Variants in FRMD4A observed in about 807,000 individuals in gnomAD.
The protein encoded by FRMD4A is FERM domain-containing protein 4A.
FRMD4A carries 29 observed loss-of-function variants against 129.1 expected under a neutral mutation model. The observed-to-expected ratio is 0.22, with a 90% confidence interval of 0.17 to 0.31. The LOEUF (loss-of-function observed/expected upper bound fraction) is 0.31. Among genes scored for constraint, FRMD4A ranks in the 10% least tolerant of loss-of-function variants. FRMD4A has a pLI of 1.00. For synonymous variants in FRMD4A, 634 were observed against 571.6 expected (o/e 1.11, Z -1.56); for missense variants, 1,272 against 1,375.8 (o/e 0.92, Z 1.19).
At chr10:13,910,978 A>T (rs2094935474) in intron 2 of FRMD4A, among the ~76,000 whole-genome samples, 1 of 151,466 alleles carries the variant, frequency 6.6e-6, no homozygotes, top group Non-Finnish European at 1.5e-5. Context: ...AGAAAATGAA[A>T]ACTGCCTCTG....
At chr10:13,786,914 A>G (rs2092879685) in intron 5 of FRMD4A, among the ~76,000 whole-genome samples, 2 of 152,214 alleles carry the variant, frequency 1.3e-5, no homozygotes, top group African/African-American at 4.8e-5. Context: ...CTTAAAAAGT[A>G]AAGAGTAAAG....
At chr10:13,959,198 T>G (rs1483160200) in intron 2 of FRMD4A, among the ~76,000 whole-genome samples, 1 of 151,978 alleles carries the variant, frequency 6.6e-6, no homozygotes, top group Admixed American at 6.6e-5. Flanking sequence ...GTGGGCTAGG[T>G]GCGGAGGGTC....
chr10:14,088,673 C>G (rs1226772773), intron 2 of FRMD4A, among the ~76,000 whole-genome samples: 1 of 148,192 alleles, frequency 6.7e-6, no homozygotes, highest in East Asian at 2.0e-4. Context: ...GAGGCTGAGG[C>G]AGGAGAATGC....
At chr10:14,003,435 G>A (rs2095650038) in intron 2 of FRMD4A, 1 of 152,284 alleles carries the variant, frequency 6.6e-6, no homozygotes, top group Admixed American at 6.5e-5. Context: ...TCCAGCTTGG[G>A]GGTCTGTGGG....
At chr10:13,989,573 C>A (rs770135024) in intron 2 of FRMD4A, among the ~76,000 whole-genome samples, 1 of 152,186 alleles carries the variant, frequency 6.6e-6, no homozygotes, top group Non-Finnish European at 1.5e-5. Context: ...GTGATCCACC[C>A]ACCTTGGCCT....
At chr10:13,965,124 G>A (rs1487813734) in intron 2 of FRMD4A, among the ~76,000 whole-genome samples, 1 of 147,102 alleles carries the variant, frequency 6.8e-6, no homozygotes, top group Admixed American at 7.0e-5. Context: ...TATTCAGTTT[G>A]GGAGAGAGGA....
At chr10:13,770,581 C>T (rs2092428113) in intron 6 of FRMD4A, among the ~76,000 whole-genome samples, 1 of 151,978 alleles carries the variant, frequency 6.6e-6, no homozygotes, top group African/African-American at 2.4e-5. Flanking sequence ...GTAGCTGGGA[C>T]CACAGGCACA....
intron 9 of FRMD4A, among the ~76,000 whole-genome samples, chr10:13,742,608 C>T (rs1201604220): frequency 6.6e-6 from 1 of 152,180 alleles, no homozygotes; most frequent in African/African-American, 2.4e-5. Context: ...CCTCCATCTC[C>T]CAAGTTCAAG....
At chr10:13,866,997 T>C (rs997785219) in intron 2 of FRMD4A, among the ~76,000 whole-genome samples, 2 of 152,204 alleles carry the variant, frequency 1.3e-5, no homozygotes, top group African/African-American at 4.8e-5. Flanking sequence ...GTGTAATGGT[T>C]ACTACAGTGG....
At chr10:13,788,117 G>A (rs980340311) in intron 5 of FRMD4A, among the ~76,000 whole-genome samples, 10 of 152,180 alleles carry the variant, frequency 6.6e-5, no homozygotes, top group African/African-American at 2.4e-4. Context: ...ATGCTTGGAT[G>A]TCTGTGACCT....
chr10:13,683,008 G>A (rs556890515), intron 15 of FRMD4A, among the ~76,000 whole-genome samples: 1 of 152,114 alleles, frequency 6.6e-6, no homozygotes, highest in Admixed American at 6.5e-5. Flanking sequence ...GCGTGATAGT[G>A]CAAGCATCAA....
At chr10:13,955,127 A>ATTTTTTTTT (rs1441169024) in intron 2 of FRMD4A, among the ~76,000 whole-genome samples, 1 of 9,890 alleles carries the variant, frequency 1.0e-4, no homozygotes, top group African/African-American at 9.2e-4. Context: ...TTTTTTTTTG[A>ATTTTTTTTT]GACGGAGTAT....
intron 2 of FRMD4A, among the ~76,000 whole-genome samples, chr10:14,164,600 G>A (rs574809168): frequency 3.9e-5 from 6 of 152,160 alleles, no homozygotes; most frequent in East Asian, 1.9e-4. Flanking sequence ...TCATTTCTAC[G>A]TTGGGAACAG....
chr10:13,761,059 A>C (rs2092053509), intron 8 of FRMD4A, among the ~76,000 whole-genome samples: 1 of 152,324 alleles, frequency 6.6e-6, no homozygotes, highest in Non-Finnish European at 1.5e-5. Context: ...GTGATGAATG[A>C]AATAAATGAC....
intron 2 of FRMD4A, among the ~76,000 whole-genome samples, chr10:14,272,999 T>C (rs1369807730): frequency 6.6e-6 from 1 of 152,056 alleles, no homozygotes; most frequent in Non-Finnish European, 1.5e-5. Context: ...ACGGATTGCC[T>C]GAGCTCAGGA....
chr10:13,821,961 G>A lies in FRMD4A; in HGVS notation c.112-11053C>T, dbSNP rs375148025. Reference sequence around the variant, plus strand: ...GCTAATGTTACACTTAGGGGACAGAGCAGGTCTCGAAGATCCGAAGCAGGA... The same window carrying A: ...GCTAATGTTACACTTAGGGGACAGAACAGGTCTCGAAGATCCGAAGCAGGA... On this transcript the variant is annotated intron_variant, in intron 3 of 24. Transcript: ENST00000357447. This position sits in a 1 kb window ranked among gnomAD's most constrained non-coding sequence, Gnocchi z 4.3. 2.6e-5 allele frequency among the ~76,000 whole-genome samples: 4 copies of A among 152,134 alleles called. No individual in the cohort carries two copies. Among genetic ancestry groups the A allele is most frequent in the African/African-American group, 9.7e-5 (4 of 41,432 alleles).
chr10:13,934,093 G>A (rs960203560), intron 2 of FRMD4A, among the ~76,000 whole-genome samples: 1 of 152,156 alleles, frequency 6.6e-6, no homozygotes, highest in Non-Finnish European at 1.5e-5. Context: ...AAGCACCCTG[G>A]AAAAAATATA....
rs943113447 is a variant in FRMD4A, at chr10:13,712,246, G to C, written c.760-5133C>G. On this transcript the variant is annotated intron_variant, in intron 12 of 24. Transcript: ENST00000357447. ...TGTGATGAAGGACAGCCTGGGCCAG[G>C]CATGGTAGCTCACGCTTGTAATCCC... Among the ~76,000 whole-genome samples the C allele has an allele frequency of 7.9e-5, 12 of 152,164 alleles. 1 individual carries two copies. Among genetic ancestry groups the C allele is most frequent in the Admixed American group, 7.2e-4 (11 of 15,278 alleles).
At chr10:13,974,993 GTGTC>G (rs1168869572) in intron 2 of FRMD4A, among the ~76,000 whole-genome samples, 2 of 144,362 alleles carry the variant, frequency 1.4e-5, no homozygotes, top group East Asian at 2.2e-4. Flanking sequence ...GTGTGTGTGT[GTGTC>G]TGTGTGAGTG....
Sources: allele counts gnomAD v4.1 joint callset (sites outside exome capture counted in the v4.1 genomes callset), GRCh38; gene constraint gnomAD v4.1.1; non-coding constraint Gnocchi (gnomAD v3.1); transcripts MANE v1.5; gene names NCBI Gene and HGNC (gene_info 2026-07-23, HGNC 2026-07-21).